The following RHBDF2 variants were observed in gnomAD, a reference collection of about 807,000 sequenced individuals.
RHBDF2 encodes the protein inactive rhomboid protein 2.
A neutral mutation model predicts 95.2 loss-of-function variants in RHBDF2; 38 were observed. The ratio of observed to expected loss-of-function variants is 0.40; its 90% CI spans 0.31 to 0.52. RHBDF2 has a LOEUF of 0.52. Ranked by LOEUF, RHBDF2 falls within the 20% of genes least tolerant of loss-of-function variation. The pLI is 0.56. For synonymous variants in RHBDF2, 442 were observed against 462.0 expected (o/e 0.96, Z 0.55); for missense variants, 863 against 1,137.7 (o/e 0.76, Z 3.47).
intron 1 of RHBDF2, among the ~76,000 whole-genome samples, chr17:76,495,818 C>A (rs1308632581): frequency 6.6e-6 from 1 of 152,204 alleles, no homozygotes; most frequent in Non-Finnish European, 1.5e-5. Context: ...TGTAAACGGT[C>A]ATTAAGGAAC....
At chr17:76,477,049 C>T (rs774505309) in intron 8 of RHBDF2, 25 bp from the exon 9 acceptor site, 4 of 1,611,910 alleles carry the variant, frequency 2.5e-6, no homozygotes, top group Non-Finnish European at 3.4e-6. Flanking sequence ...GGCTTTCAGC[C>T]TGAATCCCCC....
At chr17:76,491,869 G>A (rs141689221) in intron 1 of RHBDF2, among the ~76,000 whole-genome samples, 3 of 152,182 alleles carry the variant, frequency 2.0e-5, no homozygotes, top group African/African-American at 4.8e-5. Flanking sequence ...AGAAAAAAGC[G>A]CTGGAGAGCT....
intron 1 of RHBDF2, among the ~76,000 whole-genome samples, chr17:76,494,799 A>AAGTGGC (rs2074393101): frequency 6.6e-6 from 1 of 152,226 alleles, no homozygotes; most frequent in Admixed American, 6.5e-5. Flanking sequence ...GGAGGCAGGC[A>AAGTGGC]AGTGGCAGCA....
In RHBDF2 at chr17:76,473,096, A is replaced by T; in HGVS notation, c.1819T>A (p.Leu607Met). The change falls in exon 17 of 19, where the codon TTG (leucine) becomes ATG (methionine). Residue 607 changes from leucine (L) to methionine (M), a missense_variant. This residue lies in a region of RHBDF2 where 252 missense variants were observed against 412.2 expected (regional missense o/e 0.61). Coordinates refer to ENST00000675367, the MANE Select transcript of RHBDF2 (RefSeq NM_001005498.4). ...GGCAGCAGCCCACACACCTTGTCCA[A>T]GCAGTGCACCTGGGAGTGGGCATAT... ...EATLCSQVHC[L>M]DKVCGLLPFL... The T allele has an allele frequency of 6.2e-7, 1 of 1,613,924 alleles. No homozygotes were observed. The highest frequency in any genetic ancestry group is 8.5e-7 in the Non-Finnish European group (1 of 1,179,844).
rs577619195 is a variant in RHBDF2, at chr17:76,473,754, G to A, written c.1639-12C>T. The A allele has an allele frequency of 1.2e-6, 2 of 1,611,706 alleles. No homozygotes were observed. The highest frequency in any genetic ancestry group is 2.2e-5 in the South Asian group (2 of 90,720). ...TGCTCTGTGCAGATCTGCCAGGAGGGGGCACCGGCAGGGAAGTGGGCTGTG... is the reference window on the plus strand; with the variant it reads ...TGCTCTGTGCAGATCTGCCAGGAGGAGGCACCGGCAGGGAAGTGGGCTGTG... On this transcript the variant is annotated splice_polypyrimidine_tract_variant and intron_variant, in intron 14 of 18. Transcript: ENST00000675367.
rs554264813 is a variant in RHBDF2 at position 76,482,391 on chromosome 17, G to A, written c.-21-846C>T. ...TTAGCCAGGCTGGTCTGGAACTCCT[G>A]GGCTTAAGCCATCTGCCTGCCTTGG... On this transcript the variant is annotated intron_variant, in intron 2 of 18. Coordinates refer to ENST00000675367, the MANE Select transcript of RHBDF2 (RefSeq NM_001005498.4). 1.1e-3 allele frequency among the ~76,000 whole-genome samples: 160 copies of A among 152,212 alleles called. 1 individual carries two copies. Among genetic ancestry groups the A allele is most frequent in the Non-Finnish European group, 1.4e-3 (96 of 67,982 alleles).
chr17:76,479,547 C>T lies in RHBDF2; in HGVS notation c.272+186G>A, dbSNP rs968251839. The T allele has an allele frequency of 1.8e-5, 13 of 737,368 alleles. No individual in the cohort carries two copies. In the Admixed American group the frequency reaches 2.6e-4, roughly 15 times the overall value. 45.7% of individuals were successfully genotyped at this position (737,368 alleles called of 1,614,324 possible). On this transcript the variant is annotated intron_variant, in intron 4 of 18. Coordinates refer to ENST00000675367, the MANE Select transcript of RHBDF2 (RefSeq NM_001005498.4). The stretch of plus-strand genomic sequence containing the variant: ...CCCCCAGCCTCCACACCGTGATATT[C>T]CGCAAAGCACATACCCATTTCCCCA...
intron 1 of RHBDF2, among the ~76,000 whole-genome samples, chr17:76,490,643 G>A (rs547341090): frequency 6.6e-6 from 1 of 152,168 alleles, no homozygotes; most frequent in East Asian, 1.9e-4. Flanking sequence ...TCGCCAAGCA[G>A]GTAGGATCTT....
At chr17:76,484,187 C>T (rs150834145) in intron 2 of RHBDF2, among the ~76,000 whole-genome samples, 1,691 of 152,156 alleles carry the variant, frequency 0.011, 23 homozygotes, top group African/African-American at 0.031. Context: ...TGCTTGAACC[C>T]GGGAGGCAGA....
rs1253766798 is a variant in RHBDF2, at chr17:76,471,559, C to T, written c.*74G>A. The T allele has an allele frequency of 9.1e-6, 13 of 1,429,862 alleles. No individual in the cohort carries two copies. Among genetic ancestry groups the T allele is most frequent in the African/African-American group, 4.3e-5 (3 of 69,718 alleles). The allele number at this position is 1,429,862 out of a possible 1,614,324, so 88.6% of individuals were successfully genotyped here. A position where few individuals can be genotyped will look rare whatever the true frequency, so the allele number is the denominator to read the frequency against. The stretch of plus-strand genomic sequence containing the variant: ...CTCTGGCTCTCTGGCACACAGAGAG[C>T]GCTCTGCAGAGGGCAGCCCTCGCAG... On this transcript the variant is annotated 3_prime_UTR_variant, in exon 19 of 19. Coordinates refer to ENST00000675367, the MANE Select transcript of RHBDF2 (RefSeq NM_001005498.4).
Position 76,477,855 on chromosome 17 carries a change from A to T in RHBDF2, c.673-70T>A, listed in dbSNP as rs1313523924. The T allele has an allele frequency of 2.5e-6, 4 of 1,576,846 alleles. No individual in the cohort carries two copies. The African/African-American group carries it at 5.4e-5, about 21-fold the overall frequency. On this transcript the variant is annotated intron_variant, in intron 6 of 18. Transcript: ENST00000675367. ...ACCTAGGCCCCCAGCCCCAACACCG[A>T]AGGAATCATCAAGCCCATCCGCCTG...
In RHBDF2 at chr17:76,472,648, C is replaced by G. The variant is rs376365301; in HGVS notation, c.2064+38G>C. On this transcript the variant is annotated intron_variant, in intron 18 of 18. Transcript: ENST00000675367. Reference sequence around the variant, plus strand: ...GGAATAGGAGCAGCAGGGCTGGCCCCCTATGTGCGGAAGGGGTCCCATCCT... The same window carrying G: ...GGAATAGGAGCAGCAGGGCTGGCCCGCTATGTGCGGAAGGGGTCCCATCCT... 5.2e-5 allele frequency: 84 copies of G among 1,613,210 alleles called. No individual in the cohort carries two copies. In the African/African-American group the frequency reaches 9.9e-4, roughly 19 times the overall value.
At chr17:76,483,620 T>C (rs2144250969) in intron 2 of RHBDF2, among the ~76,000 whole-genome samples, 1 of 152,290 alleles carries the variant, frequency 6.6e-6, no homozygotes, top group African/African-American at 2.4e-5. Flanking sequence ...ATGCAAAGAT[T>C]TCATAAGTGG....
intron 2 of RHBDF2, 48 bp from the exon 3 acceptor site, chr17:76,481,593 A>C: frequency 6.5e-7 from 1 of 1,532,130 alleles, no homozygotes; most frequent in East Asian, 2.3e-5. Context: ...GGGGTGGCGC[A>C]GTGTCAGGAC....
At chr17:76,481,305 C>T (rs532882749) in intron 3 of RHBDF2, 70 bp downstream of exon 3, 108 of 1,525,744 alleles carry the variant, frequency 7.1e-5, no homozygotes, top group Admixed American at 1.1e-4. Flanking sequence ...GTGAAACTGA[C>T]CAGAAAGTGT....
rs143901090 is a variant in RHBDF2 at position 76,495,198 on chromosome 17, G to A, written c.-220+6155C>T. On this transcript the variant is annotated intron_variant, in intron 1 of 18. Transcript: ENST00000675367. ...AGTGGTGGTCCAGCACAAGCCCAGC[G>A]GTTGGGGCAGGATGAGATGCAGCCT... Among the ~76,000 whole-genome samples the A allele has an allele frequency of 1.7e-3, 265 of 152,356 alleles. 1 individual carries two copies. Among genetic ancestry groups the A allele is most frequent in the African/African-American group, 5.2e-3 (216 of 41,578 alleles).
chr17:76,484,833 G>A (rs1051998226), intron 2 of RHBDF2, among the ~76,000 whole-genome samples: 4 of 152,152 alleles, frequency 2.6e-5, no homozygotes, highest in African/African-American at 9.7e-5. Flanking sequence ...ATGATCAAAA[G>A]CAATGGAGCC....
intron 1 of RHBDF2, among the ~76,000 whole-genome samples, chr17:76,498,102 C>A (rs990706613): frequency 6.6e-6 from 1 of 152,192 alleles, no homozygotes; most frequent in African/African-American, 2.4e-5. Context: ...TCCTTACACC[C>A]ATCCTAGGTC....
intron 9 of RHBDF2, 151 bp from the exon 10 acceptor site, chr17:76,475,292 GAGC>G (rs2073735282): frequency 1.7e-6 from 1 of 603,884 alleles, no homozygotes; most frequent in African/African-American, 1.9e-5. Context: ...CTTTTAAGAC[GAGC>G]CTCCAAGCAT....
Sources: gnomAD v4.1 joint callset for allele counts (sites outside exome capture counted in the v4.1 genomes callset) on GRCh38, gnomAD v4.1.1 for gene constraint, gnomAD v4.1.1 regional missense constraint, MANE v1.5 for transcripts, NCBI Gene and HGNC (gene_info 2026-07-23, HGNC 2026-07-21) for gene names.